Variants in MUC6 observed in about 807,000 individuals in gnomAD.
MUC6 encodes mucin-6.
In MUC6, 188 loss-of-function variants were observed where a neutral mutation model predicts 201.5. That is an observed-to-expected ratio of 0.93 (90% CI 0.83 to 1.05). The LOEUF (loss-of-function observed/expected upper bound fraction) is 1.05. Ranked by LOEUF, MUC6 falls within the 50% of genes least tolerant of loss-of-function variation. The pLI, the probability that MUC6 is intolerant of heterozygous loss-of-function variation, is 0.00. For synonymous variants in MUC6, 1,228 were observed against 1,389.4 expected (o/e 0.88, Z 2.58); for missense variants, 2,706 against 3,256.9 (o/e 0.83, Z 4.12).
chr11:1,020,745 A>G lies in MUC6; in HGVS notation c.3590-11T>C, dbSNP rs1856788289. ...GCGTGGTGGGCGGCACTGCAAGAAG[A>G]TGGGGTCAGCTCCCTGTGGTTCTCT... On this transcript the variant is annotated splice_polypyrimidine_tract_variant and intron_variant, in intron 27 of 32. Coordinates refer to ENST00000421673, the MANE Select transcript of MUC6 (RefSeq NM_005961.3). 3.7e-6 allele frequency: 6 copies of G among 1,612,092 alleles called. No homozygotes were observed. The highest frequency in any genetic ancestry group is 5.1e-6 in the Non-Finnish European group (6 of 1,179,656).
In MUC6 at chr11:1,020,235, C is replaced by T. The variant is rs1392950422; in HGVS notation, c.3663G>A (p.Trp1221Ter). ...PTTGSRPTQVWPMTGTSTTIG... is the reference protein window; with the variant it reads ...PTTGSRPTQV ...TGGTGGTGGAGGTTCCCGTCATGGG[C>T]CAGACTTGCGTGGGCCGTGAGCCTG... The change falls in exon 29 of 33, where the codon TGG (tryptophan) becomes TGA (stop). Residue 1221 changes from tryptophan (W) to a stop codon, truncating the protein, a stop_gained. Transcript: ENST00000421673. LOFTEE classifies it high-confidence loss of function. 5 of 1,609,508 alleles carry T rather than the reference C, an allele frequency of 3.1e-6. No homozygotes were observed. Among genetic ancestry groups the T allele is most frequent in the African/African-American group, 2.7e-5 (2 of 74,804 alleles).
intron 29 of MUC6, 115 bp downstream of exon 29, chr11:1,019,975 C>A (rs1407743757): frequency 1.5e-6 from 2 of 1,328,918 alleles, no homozygotes. Context: ...CGCTGGGAAT[C>A]TGCTTAGTGG....
At chr11:1,024,590 C>T (rs1319650328) in intron 24 of MUC6, among the ~76,000 whole-genome samples, 1 of 152,222 alleles carries the variant, frequency 6.6e-6, no homozygotes, top group East Asian at 1.9e-4. Flanking sequence ...CCAGGGGACT[C>T]GTGGCACTGT....
At position 1,032,050 on chromosome 11, in the gene MUC6, G is replaced by A. The variant is rs190722280; in HGVS notation, c.119C>T (p.Pro40Leu). Residue 40 changes from proline to leucine, a missense_variant, in exon 3 of 33, where the codon CCG becomes CTG. Physicochemically the swap from Pro to Leu is moderately conservative, Grantham distance 98. Coordinates refer to ENST00000421673, the MANE Select transcript of MUC6 (RefSeq NM_005961.3). ...CCACGTGGAGCACTGGCCTTTGTCC[G>A]GGGCTACAGAGAGAGCAGTGCTCAC... ...QRLKDSPQTA[P>L]DKGQCSTWGA... is the part of the protein sequence containing the mutation. 30 of 1,613,082 alleles carry A rather than the reference G, an allele frequency of 1.9e-5. No individual in the cohort carries two copies. The highest frequency in any genetic ancestry group is 2.2e-5 in the East Asian group (1 of 44,890).
At chr11:1,022,640 G>A (rs563245179) in intron 26 of MUC6, among the ~76,000 whole-genome samples, 66 of 152,358 alleles carry the variant, frequency 4.3e-4, no homozygotes, top group African/African-American at 1.5e-3. Flanking sequence ...TCCCTGGCTG[G>A]GAGGGAAGCT....
rs754818964 is a variant in MUC6 at position 1,016,346 on chromosome 11, G to A, written c.6455C>T (p.Pro2152Leu). 12 of 1,611,586 alleles carry A rather than the reference G, an allele frequency of 7.4e-6. No homozygotes were observed. The highest frequency in any genetic ancestry group is 1.0e-5 in the Non-Finnish European group (12 of 1,178,812). Residue 2152 changes from proline (P) to leucine (L), a missense_variant, in exon 31 of 33, where the codon CCC becomes CTC. Physicochemically the swap from Pro to Leu is moderately conservative, Grantham distance 98. This residue lies in a region of MUC6 where 586 missense variants were observed against 488.0 expected (regional missense o/e 1.20). Coordinates refer to ENST00000421673, the MANE Select transcript of MUC6 (RefSeq NM_005961.3). ...SSYVPSSHSS[P>L]QTSSPSVGTS... ...GCCAACAGAAGGCGATGAAGTCTGGGGAGAGGAGTGGGAGGAGGGCACATA... is the reference window on the plus strand; with the variant it reads ...GCCAACAGAAGGCGATGAAGTCTGGAGAGAGGAGTGGGAGGAGGGCACATA...
In MUC6 at chr11:1,029,529, G is replaced by C. The variant is rs1056507785; in HGVS notation, c.1102C>G (p.Pro368Ala). The C allele has an allele frequency of 6.2e-7, 1 of 1,612,518 alleles. No homozygotes were observed. The highest frequency in any genetic ancestry group is 8.5e-7 in the Non-Finnish European group (1 of 1,179,728). ...PCVLHGAMYA[P>A]GEVTIAACQT... The stretch of plus-strand genomic sequence containing the variant: ...CAGGCAGCTATTGTGACCTCCCCGG[G>C]GGCATACATGGCGCCGTGGAGCACA... The change falls in exon 9 of 33, where the codon CCC (proline) becomes GCC (alanine). Residue 368 changes from proline to alanine, a missense_variant. Transcript: ENST00000421673.
intron 22 of MUC6, 39 bp downstream of exon 22, chr11:1,025,766 C>T (rs775328943): frequency 3.4e-4 from 531 of 1,554,478 alleles, no homozygotes; most frequent in Non-Finnish European, 4.4e-4. Flanking sequence ...GGCCCCCTAC[C>T]GCCCGTCCTG....
intron 29 of MUC6, 156 bp downstream of exon 29, chr11:1,019,934 C>G: frequency 1.9e-6 from 2 of 1,043,966 alleles, no homozygotes; most frequent in South Asian, 2.8e-5. Flanking sequence ...CGAAAAATCC[C>G]CAGTTTGGCT....
chr11:1,029,616 C>T lies in MUC6; in HGVS notation c.1016-1G>A. On this transcript the variant is annotated splice_acceptor_variant, in intron 8 of 32. Transcript: ENST00000421673. LOFTEE classifies it high-confidence loss of function. The stretch of plus-strand genomic sequence containing the variant: ...TTGGAGAGGTCATTCAGGACCGTAC[C>T]TGCAGGAGAGGGTCTTCTTGGGGCT... The T allele has an allele frequency of 1.9e-6, 3 of 1,575,774 alleles. No individual in the cohort carries two copies. Among genetic ancestry groups the T allele is most frequent in the Non-Finnish European group, 2.6e-6 (3 of 1,156,996 alleles).
In MUC6 at chr11:1,015,786, C is replaced by G. The variant is rs140009712; in HGVS notation, c.7015G>C (p.Gly2339Arg). 1.4e-5 allele frequency: 21 copies of G among 1,547,950 alleles called. No homozygotes were observed. In the East Asian group the frequency reaches 4.1e-4, roughly 30 times the overall value. Residue 2339 changes from glycine to arginine, a missense_variant, in exon 31 of 33, where the codon GGG becomes CGG. Gly to Arg is a moderately radical substitution (Grantham distance 125). Coordinates refer to ENST00000421673, the MANE Select transcript of MUC6 (RefSeq NM_005961.3). Reference protein sequence around the residue: ...TPASAPVSSLGTPTPTSPGVC... With the variant: ...TPASAPVSSLRTPTPTSPGVC... ...CCGGGTGAGGTGGGCGTAGGTGTCC[C>G]GAGAGAAGATACCGGGGCAGAAGCA...
At position 1,013,645 on chromosome 11, in the gene MUC6, T is replaced by G. The variant is rs1856530750; in HGVS notation, c.7143-12A>C. The G allele has an allele frequency of 6.4e-7, 1 of 1,555,396 alleles. No individual in the cohort carries two copies. The highest frequency in any genetic ancestry group is 8.7e-7 in the Non-Finnish European group (1 of 1,150,802). On this transcript the variant is annotated splice_polypyrimidine_tract_variant and intron_variant, in intron 32 of 32. Coordinates refer to ENST00000421673, the MANE Select transcript of MUC6 (RefSeq NM_005961.3). ...TGATGATGTTGAAGCTGCCGAGAAG[T>G]CAAGACAGAGCAGGGTCATGACTGC... is the stretch of plus-strand genomic sequence containing the variant.
Position 1,033,501 on chromosome 11 carries a change from G to T in MUC6, c.53-426C>A, listed in dbSNP as rs1821873437. On this transcript the variant is annotated intron_variant, in intron 1 of 32. Coordinates refer to ENST00000421673, the MANE Select transcript of MUC6 (RefSeq NM_005961.3). This position sits in a 1 kb window ranked among gnomAD's most constrained non-coding sequence, Gnocchi z 5.6. ...CTTGGCCGCCTGGTTTCCCTGAGGGGTCTGCGCCAAGGCCCCACAGCCGGT... is the reference window on the plus strand; with the variant it reads ...CTTGGCCGCCTGGTTTCCCTGAGGGTTCTGCGCCAAGGCCCCACAGCCGGT... Among the ~76,000 whole-genome samples, 5 of 150,836 alleles carry T rather than the reference G, an allele frequency of 3.3e-5. No individual in the cohort carries two copies. The South Asian group carries it at 1.0e-3, about 31-fold the overall frequency.
chr11:1,015,094 A>AAGGG (rs1856572488), intron 31 of MUC6, among the ~76,000 whole-genome samples: 1 of 152,124 alleles, frequency 6.6e-6, no homozygotes, highest in Non-Finnish European at 1.5e-5. Flanking sequence ...CCCAGGAGGG[A>AAGGG]AGGGAGGGAC....
At position 1,030,235 on chromosome 11, in the gene MUC6, GGTGC is replaced by G. The variant is rs1415897878; in HGVS notation, c.989_992del (p.Cys330SerfsTer12). The G allele has an allele frequency of 6.4e-7, 1 of 1,551,786 alleles. No individual in the cohort carries two copies. Among genetic ancestry groups the G allele is most frequent in the Non-Finnish European group, 8.7e-7 (1 of 1,148,244 alleles). On this transcript the variant is annotated frameshift_variant, in exon 8 of 33. Coordinates refer to ENST00000421673, the MANE Select transcript of MUC6 (RefSeq NM_005961.3). LOFTEE classifies it high-confidence loss of function. ...CACCTTCCGGGCAGAAGCACCCGAAGGTGCAGGAGCTGGAGCAGCTGTGCTGCGG... is the reference window on the plus strand; with the variant it reads ...CACCTTCCGGGCAGAAGCACCCGAAGAGGAGCTGGAGCAGCTGTGCTGCGG...
intron 2 of MUC6, among the ~76,000 whole-genome samples, 165 bp from the exon 3 acceptor site, chr11:1,032,218 G>C (rs1857122489): frequency 6.6e-6 from 1 of 152,196 alleles, no homozygotes; most frequent in South Asian, 2.1e-4. Context: ...TATGGTATAT[G>C]CCTGGCCAGG....
intron 24 of MUC6, 112 bp from the exon 25 acceptor site, chr11:1,024,215 G>A (rs1202281699): frequency 7.8e-6 from 10 of 1,280,734 alleles, no homozygotes; most frequent in South Asian, 4.3e-5. Flanking sequence ...CGGTAAGGGC[G>A]CTGGGACTGG....
intron 27 of MUC6, 115 bp from the exon 28 acceptor site, chr11:1,020,849 G>T: frequency 7.5e-7 from 1 of 1,338,998 alleles, no homozygotes; most frequent in Admixed American, 1.9e-5. Context: ...TGGTGGAGGG[G>T]ACTGGAGGGG....
chr11:1,029,419 AC>A, intron 9 of MUC6, 53 bp from the exon 10 acceptor site: 1 of 1,596,808 alleles, frequency 6.3e-7, no homozygotes, highest in Middle Eastern at 1.7e-4. Context: ...CTGGAGCCAG[AC>A]AGCACACCCC....
Sources: gnomAD v4.1 joint callset for allele counts (sites outside exome capture counted in the v4.1 genomes callset) on GRCh38, gnomAD v4.1.1 for gene constraint, gnomAD v4.1.1 regional missense constraint, Gnocchi (gnomAD v3.1) non-coding constraint, MANE v1.5 for transcripts, NCBI Gene and HGNC (gene_info 2026-07-23, HGNC 2026-07-21) for gene names.